CNTN1: variants seen among roughly 807,000 people sequenced by gnomAD.
CNTN1 encodes contactin-1.
In CNTN1, 38 loss-of-function variants were observed where a neutral mutation model predicts 126.4. The observed-to-expected ratio is 0.30, with a 90% CI of 0.23 to 0.39. CNTN1 has a LOEUF of 0.39. Among genes scored for constraint, CNTN1 ranks in the 10% least tolerant of loss-of-function variants. The pLI, the probability that CNTN1 is intolerant of heterozygous loss-of-function variation, is 1.00. For missense variants in CNTN1, 1,009 were observed against 1,248.4 expected (o/e 0.81, Z 2.89); for synonymous variants, 413 against 422.6 (o/e 0.98, Z 0.28).
chr12:40,872,731 C>G (rs1943546042), intron 1 of CNTN1, among the ~76,000 whole-genome samples: 1 of 151,764 alleles, frequency 6.6e-6, no homozygotes, highest in Non-Finnish European at 1.5e-5. Flanking sequence ...CCACCACGCC[C>G]AGATAATTTG....
intron 1 of CNTN1, among the ~76,000 whole-genome samples, chr12:40,776,069 T>A (rs7133020): frequency 0.96 from 145,962 of 151,658 alleles, 70,481 homozygotes; most frequent in East Asian, 1. Flanking sequence ...ATTCCACATG[T>A]TGTATGGTAA....
At chr12:40,898,358 T>C (rs1414308661) in intron 1 of CNTN1, among the ~76,000 whole-genome samples, 1 of 152,200 alleles carries the variant, frequency 6.6e-6, no homozygotes, top group Non-Finnish European at 1.5e-5. Context: ...ACCATTCATC[T>C]TCCCTTATAG....
chr12:40,932,988 T>C (rs985734384), intron 7 of CNTN1, among the ~76,000 whole-genome samples: 15 of 151,688 alleles, frequency 9.9e-5, no homozygotes, highest in African/African-American at 3.6e-4. Context: ...TTTTCCTTCT[T>C]TCCCTCTCTC....
intron 1 of CNTN1, among the ~76,000 whole-genome samples, chr12:40,844,388 G>A (rs35148802): frequency 0.054 from 8,278 of 152,092 alleles, 254 homozygotes; most frequent in Middle Eastern, 0.11. Context: ...TGAAGTTATT[G>A]AATGCAAGCA....
At chr12:40,770,370 A>G (rs538687237) in intron 1 of CNTN1, among the ~76,000 whole-genome samples, 1 of 152,274 alleles carries the variant, frequency 6.6e-6, no homozygotes, top group East Asian at 1.9e-4. Context: ...CTAAAGGGCC[A>G]ACTTAGATGC....
intron 1 of CNTN1, among the ~76,000 whole-genome samples, chr12:40,906,761 C>T (rs1216627700): frequency 5.1e-5 from 5 of 98,042 alleles, no homozygotes; most frequent in African/African-American, 2.0e-4. Context: ...TCACTGCAAC[C>T]TCCACCTCCC....
intron 1 of CNTN1, among the ~76,000 whole-genome samples, chr12:40,832,175 A>G (rs1045788211): frequency 2.0e-5 from 3 of 152,200 alleles, no homozygotes; most frequent in Non-Finnish European, 4.4e-5. Context: ...GAGGCATTTA[A>G]TGATAAAGAA....
In CNTN1 at chr12:41,028,762, A is replaced by G. The variant is rs189989348; in HGVS notation, c.2824-301A>G. On this transcript the variant is annotated intron_variant, in intron 22 of 23. Coordinates refer to ENST00000551295, the MANE Select transcript of CNTN1 (RefSeq NM_001843.4). ...TATATTTTAAAAGTTCTCATTTTGG[A>G]CTTTTTTCTTAAAAAGACTCATTCT... 2.7e-3 allele frequency among the ~76,000 whole-genome samples: 412 copies of G among 152,262 alleles called. 2 individuals are homozygous for G. The highest frequency in any genetic ancestry group is 4.8e-3 in the Non-Finnish European group (329 of 67,990).
chr12:40,895,174 G>C (rs1484525649), intron 1 of CNTN1, among the ~76,000 whole-genome samples: 1 of 152,070 alleles, frequency 6.6e-6, no homozygotes, highest in Non-Finnish European at 1.5e-5. Flanking sequence ...CTTTTAATTT[G>C]CAAAGGTGCT....
intron 1 of CNTN1, among the ~76,000 whole-genome samples, chr12:40,774,037 G>T (rs1228624059): frequency 6.6e-6 from 1 of 151,370 alleles, no homozygotes; most frequent in Non-Finnish European, 1.5e-5. Flanking sequence ...CACTGTATTT[G>T]CAATGCCCTG....
chr12:40,974,883 C>T (rs1300765520), intron 15 of CNTN1, among the ~76,000 whole-genome samples: 1 of 151,918 alleles, frequency 6.6e-6, no homozygotes, highest in African/African-American at 2.4e-5. Context: ...GTATAAATTT[C>T]CCCTTTTTGA....
intron 15 of CNTN1, chr12:40,971,619 C>T (rs1947515476): frequency 5.3e-6 from 8 of 1,502,896 alleles, no homozygotes; most frequent in Non-Finnish European, 6.2e-6. Context: ...CCACCCCCAA[C>T]CTAGTTCTTA....
At chr12:40,806,348 C>G (rs1940854342) in intron 1 of CNTN1, among the ~76,000 whole-genome samples, 1 of 152,154 alleles carries the variant, frequency 6.6e-6, no homozygotes, top group Non-Finnish European at 1.5e-5. Context: ...AGTCCTCCCC[C>G]AGAGAGAAGT....
At chr12:40,850,910 G>C in intron 1 of CNTN1, among the ~76,000 whole-genome samples, 1 of 152,028 alleles carries the variant, frequency 6.6e-6, no homozygotes, top group East Asian at 1.9e-4. Context: ...TGGCATAAAT[G>C]GTGTTTGTTT....
At chr12:40,951,171 C>T (rs952426940) in intron 14 of CNTN1, among the ~76,000 whole-genome samples, 3 of 152,014 alleles carry the variant, frequency 2.0e-5, no homozygotes, top group African/African-American at 7.2e-5. Context: ...TTAGGAGAAA[C>T]CTCAAAGAAA....
intron 1 of CNTN1, among the ~76,000 whole-genome samples, chr12:40,781,238 T>C (rs1345338685): frequency 3.3e-5 from 5 of 151,998 alleles, no homozygotes; most frequent in Non-Finnish European, 7.4e-5. Flanking sequence ...ACCGTACCTG[T>C]GGGACAAAAG....
At chr12:40,828,336 T>TATAG (rs1565793429) in intron 1 of CNTN1, 2 of 152,144 alleles carry the variant, frequency 1.3e-5, no homozygotes, top group African/African-American at 4.8e-5. Context: ...GTTAGGTAAT[T>TATAG]GTAAACTAGA....
intron 7 of CNTN1, among the ~76,000 whole-genome samples, chr12:40,930,867 C>T (rs976771664): frequency 2.0e-5 from 3 of 151,958 alleles, no homozygotes. Flanking sequence ...CTTTCTGGCT[C>T]ATTTTTCTTT....
chr12:40,877,925 A>ATATTGAAG (rs889334223), intron 1 of CNTN1, among the ~76,000 whole-genome samples: 1 of 149,850 alleles, frequency 6.7e-6, no homozygotes, highest in Admixed American at 6.7e-5. Context: ...GATGCCTAAT[A>ATATTGAAG]TATTGAAGTC....
Sources: gnomAD v4.1 joint callset for allele counts (sites outside exome capture counted in the v4.1 genomes callset) on GRCh38, gnomAD v4.1.1 for gene constraint, MANE v1.5 for transcripts, NCBI Gene and HGNC (gene_info 2026-07-23, HGNC 2026-07-21) for gene names.